RFTN2: variants seen among roughly 807,000 people sequenced by gnomAD.
RFTN2 encodes the protein raftlin family member 2, also known as raftlin-2.
Under a neutral mutation model 52.7 loss-of-function variants are expected in RFTN2, and 34 were observed. The ratio of observed to expected loss-of-function variants is 0.64; its 90% CI spans 0.49 to 0.86. RFTN2 has a LOEUF of 0.86. Ranked by LOEUF, RFTN2 falls within the 40% of genes least tolerant of loss-of-function variation. The probability of loss-of-function intolerance (pLI) is 0.00; values close to 1 mark genes in which losing one functional copy is unlikely to be tolerated. For missense variants in RFTN2, 536 were observed against 600.1 expected (o/e 0.89, Z 1.12); for synonymous variants, 203 against 217.7 (o/e 0.93, Z 0.59).
At chr2:197,633,136 T>A (rs2088494031) in intron 4 of RFTN2, among the ~76,000 whole-genome samples, 1 of 152,162 alleles carries the variant, frequency 6.6e-6, no homozygotes, top group Non-Finnish European at 1.5e-5. Flanking sequence ...AATGCATGAA[T>A]AAAATACTCT....
intron 1 of RFTN2, among the ~76,000 whole-genome samples, chr2:197,661,334 G>A (rs2088973948): frequency 6.6e-6 from 1 of 151,684 alleles, no homozygotes; most frequent in Non-Finnish European, 1.5e-5. Flanking sequence ...AGGCTCAAGT[G>A]ATCCTTCCAC....
Position 197,571,518 on chromosome 2 carries a change from ATTAT to A in RFTN2, c.*486_*489del, listed in dbSNP as rs2087316619. Reference sequence around the variant, plus strand: ...ATAGTTAAAGACAAAATGTGGATTAATTATTATATTTGGGAAATAGATATTTATT... The same window carrying A: ...ATAGTTAAAGACAAAATGTGGATTAATATATTTGGGAAATAGATATTTATT... On this transcript the variant is annotated 3_prime_UTR_variant, in exon 9 of 9. Coordinates refer to ENST00000295049, the MANE Select transcript of RFTN2 (RefSeq NM_144629.3). 1 of 157,370 alleles carries A rather than the reference ATTAT, an allele frequency of 6.4e-6. No homozygotes were observed. The highest frequency in any genetic ancestry group is 2.4e-5 in the African/African-American group (1 of 41,446). 9.7% of individuals were successfully genotyped at this position (157,370 alleles called of 1,614,324 possible).
intron 1 of RFTN2, among the ~76,000 whole-genome samples, chr2:197,672,919 G>T (rs1271985350): frequency 6.6e-6 from 1 of 152,120 alleles, no homozygotes; most frequent in Non-Finnish European, 1.5e-5. Flanking sequence ...AAGTTGTTTT[G>T]TTTTCTGGGT....
intron 5 of RFTN2, among the ~76,000 whole-genome samples, chr2:197,628,616 G>A (rs943079740): frequency 2.6e-5 from 4 of 151,900 alleles, no homozygotes; most frequent in Admixed American, 6.6e-5. Context: ...AGAAACAAGA[G>A]AGAAAGAGAA....
intron 7 of RFTN2, among the ~76,000 whole-genome samples, chr2:197,603,437 A>G (rs2087910940): frequency 1.3e-5 from 2 of 152,240 alleles, no homozygotes; most frequent in Admixed American, 6.5e-5. Flanking sequence ...AGGACTCTTT[A>G]TCTGTTATAT....
intron 4 of RFTN2, among the ~76,000 whole-genome samples, chr2:197,632,827 G>C (rs1211796981): frequency 6.6e-6 from 1 of 152,164 alleles, no homozygotes; most frequent in African/African-American, 2.4e-5. Flanking sequence ...CAGAAAGCCT[G>C]ACACCAAGGC....
chr2:197,652,636 AT>A (rs1054818261), intron 1 of RFTN2, among the ~76,000 whole-genome samples: 4 of 152,170 alleles, frequency 2.6e-5, no homozygotes, highest in African/African-American at 9.6e-5. Context: ...TAATTGGTGC[AT>A]TTTTCTTTCT....
rs1283718678 is a variant in RFTN2, at chr2:197,636,580, C to T, written c.439-2583G>A. On this transcript the variant is annotated intron_variant, in intron 3 of 8. Coordinates refer to ENST00000295049, the MANE Select transcript of RFTN2 (RefSeq NM_144629.3). The stretch of plus-strand genomic sequence containing the variant: ...TATAAGAATGCTTGTGATTTTTGTA[C>T]ATTGATTTTGTATCCTGAGACTTTG... 7.3e-5 allele frequency among the ~76,000 whole-genome samples: 7 copies of T among 96,146 alleles called. 1 individual carries two copies. Among genetic ancestry groups the T allele is most frequent in the African/African-American group, 3.0e-4 (7 of 23,358 alleles). 63.1% of individuals were successfully genotyped at this position (96,146 alleles called of 152,430 possible).
intron 8 of RFTN2, among the ~76,000 whole-genome samples, chr2:197,576,254 C>T (rs1011884680): frequency 1.3e-5 from 2 of 152,096 alleles, no homozygotes; most frequent in Non-Finnish European, 2.9e-5. Flanking sequence ...ATTTTGCCCA[C>T]CTCTGCCTCC....
At chr2:197,608,961 C>T (rs545980336) in intron 7 of RFTN2, among the ~76,000 whole-genome samples, 1 of 152,280 alleles carries the variant, frequency 6.6e-6, no homozygotes, top group African/African-American at 2.4e-5. Flanking sequence ...AGGACATGAA[C>T]TCATCCTTTT....
intron 8 of RFTN2, among the ~76,000 whole-genome samples, chr2:197,588,843 G>A (rs1180681682): frequency 6.6e-6 from 1 of 152,124 alleles, no homozygotes; most frequent in Non-Finnish European, 1.5e-5. Flanking sequence ...TTGTGGGAGG[G>A]ACCTGATGGG....
chr2:197,651,868 G>A (rs1379584926), intron 1 of RFTN2, among the ~76,000 whole-genome samples: 6 of 152,152 alleles, frequency 3.9e-5, no homozygotes, highest in East Asian at 1.9e-4. Context: ...ATCCAGCAAC[G>A]TAGGTTGCAA....
intron 7 of RFTN2, among the ~76,000 whole-genome samples, chr2:197,603,655 C>G (rs2087914389): frequency 6.6e-6 from 1 of 152,070 alleles, no homozygotes; most frequent in Non-Finnish European, 1.5e-5. Flanking sequence ...GTGGCTCACG[C>G]CTGTAATCCC....
At position 197,641,468 on chromosome 2, in the gene RFTN2, C is replaced by T. The variant is rs910006203; in HGVS notation, c.438+2690G>A. Among the ~76,000 whole-genome samples the T allele has an allele frequency of 3.9e-5, 6 of 152,080 alleles. No homozygotes were observed. The South Asian group carries it at 6.2e-4, about 16-fold the overall frequency. On this transcript the variant is annotated intron_variant, in intron 3 of 8. Coordinates refer to ENST00000295049, the MANE Select transcript of RFTN2 (RefSeq NM_144629.3). ...TGCAGGTAGAAATGGGTGCATTTAC[C>T]GTCAGTGCTTCCTCTAGGTCTTGTT...
chr2:197,600,311 G>A (rs1486977489), intron 7 of RFTN2, among the ~76,000 whole-genome samples: 1 of 152,192 alleles, frequency 6.6e-6, no homozygotes. Flanking sequence ...GCATCCAGAT[G>A]CTCAAATAAG....
intron 7 of RFTN2, among the ~76,000 whole-genome samples, chr2:197,608,181 T>C (rs961006166): frequency 6.6e-6 from 1 of 152,204 alleles, no homozygotes; most frequent in Non-Finnish European, 1.5e-5. Flanking sequence ...GCTTCTGAGC[T>C]GTGATGCCCA....
chr2:197,572,998 G>C (rs1263217883), intron 8 of RFTN2, among the ~76,000 whole-genome samples: 3 of 151,872 alleles, frequency 2.0e-5, no homozygotes, highest in Non-Finnish European at 2.9e-5. Context: ...ACGTGGAACT[G>C]TGAGTCAATT....
At chr2:197,607,205 T>A (rs968769840) in intron 7 of RFTN2, among the ~76,000 whole-genome samples, 3 of 152,134 alleles carry the variant, frequency 2.0e-5, no homozygotes, top group African/African-American at 7.2e-5. Context: ...CTGGAAATCA[T>A]CATTCTTAGC....
At chr2:197,577,028 ACT>A in intron 8 of RFTN2, among the ~76,000 whole-genome samples, 1 of 152,252 alleles carries the variant, frequency 6.6e-6, no homozygotes, top group South Asian at 2.1e-4. Flanking sequence ...GCTAATGGAA[ACT>A]CAAAATAATG....
Sources: gnomAD v4.1 joint callset for allele counts (sites outside exome capture counted in the v4.1 genomes callset) on GRCh38, gnomAD v4.1.1 for gene constraint, MANE v1.5 for transcripts, NCBI Gene and HGNC (gene_info 2026-07-23, HGNC 2026-07-21) for gene names.